The following PUM1 variants were observed in gnomAD, a reference collection of about 807,000 sequenced individuals.
PUM1 encodes the protein pumilio homolog 1.
PUM1 carries 13 observed loss-of-function variants against 131.8 expected under a neutral mutation model. The ratio of observed to expected loss-of-function variants is 0.10; its 90% CI spans 0.06 to 0.16. The LOEUF (loss-of-function observed/expected upper bound fraction) is 0.16. Ranked by LOEUF, PUM1 falls within the 10% of genes least tolerant of loss-of-function variation. The pLI is 1.00. For missense variants in PUM1, 961 were observed against 1,512.4 expected (o/e 0.64, Z 6.05); for synonymous variants, 509 against 556.5 (o/e 0.91, Z 1.20).
rs1045763124 is a variant in PUM1 at position 31,059,534 on chromosome 1, T to G, written c.33A>C (p.Ala11=). Residue 11 remains alanine, a synonymous_variant, in exon 2 of 22, where the codon GCA becomes GCC. Transcript: ENST00000426105. MSVACVLKRK[A]VLWQDSFSPH... is the part of the protein sequence containing the mutation. ...GGCTGAAAGAGTCCTGCCAAAGCAC[T>G]GCTTTTCTCTTCAAGACACATGCAA... is the stretch of plus-strand genomic sequence containing the variant. 3.1e-6 allele frequency: 5 copies of G among 1,613,990 alleles called. No homozygotes were observed. In the African/African-American group the frequency reaches 6.7e-5, roughly 22 times the overall value.
intron 9 of PUM1, among the ~76,000 whole-genome samples, chr1:30,976,843 AAAAG>A (rs1400100416): frequency 2.0e-5 from 3 of 152,218 alleles, no homozygotes; most frequent in African/African-American, 4.8e-5. Context: ...AAAAAAAAAA[AAAAG>A]AGTGATAGAG....
chr1:31,028,678 G>C, intron 3 of PUM1, 118 bp downstream of exon 3: 1 of 889,912 alleles, frequency 1.1e-6, no homozygotes, highest in East Asian at 2.4e-5. Context: ...CATGAGAATG[G>C]CAACAAGGAA....
At chr1:30,992,295 A>C in intron 7 of PUM1, 95 bp downstream of exon 7, 1 of 1,500,006 alleles carries the variant, frequency 6.7e-7, no homozygotes, top group Non-Finnish European at 9.0e-7. Context: ...GCCTGAAACA[A>C]TGCCACCACC....
In PUM1 at chr1:31,038,958, T is replaced by TTATATATATA. The variant is rs200492434; in HGVS notation, c.364-10104_364-10095dup. On this transcript the variant is annotated intron_variant, in intron 2 of 21. Transcript: ENST00000426105. ...TAGCCATTTAAAATGTTTTAAAATT[T>TTATATATATA]TATATATATATATATATATATATAT... is the stretch of plus-strand genomic sequence containing the variant. Among the ~76,000 whole-genome samples, 40 of 43,938 alleles carry TTATATATATA rather than the reference T, an allele frequency of 9.1e-4. 4 individuals are homozygous for TTATATATATA. Among genetic ancestry groups the TTATATATATA allele is most frequent in the African/African-American group, 4.5e-3 (26 of 5,776 alleles). 28.8% of individuals were successfully genotyped at this position (43,938 alleles called of 152,430 possible). A position where few individuals can be genotyped will look rare whatever the true frequency, so the allele number is the denominator to read the frequency against.
At chr1:31,037,347 T>C (rs1020504302) in intron 2 of PUM1, 1 of 152,236 alleles carries the variant, frequency 6.6e-6, no homozygotes, top group South Asian at 2.1e-4. Flanking sequence ...TTAAAATTAT[T>C]TTCCAAGACT....
chr1:31,000,856 C>T (rs1642183317), intron 5 of PUM1, among the ~76,000 whole-genome samples: 2 of 152,202 alleles, frequency 1.3e-5, no homozygotes, highest in South Asian at 4.1e-4. Context: ...ACAACAATGT[C>T]GAGCTCTACT....
At chr1:31,051,330 T>C (rs1644104996) in intron 2 of PUM1, among the ~76,000 whole-genome samples, 1 of 150,622 alleles carries the variant, frequency 6.6e-6, no homozygotes, top group African/African-American at 2.4e-5. Context: ...TGAGACGGCA[T>C]TTCGCTCTTG....
At position 30,953,932 on chromosome 1, in the gene PUM1, A is replaced by G. The variant is rs376729395; in HGVS notation, c.2373T>C (p.Ala791=). The G allele has an allele frequency of 6.2e-7, 1 of 1,614,108 alleles. No homozygotes were observed. The highest frequency in any genetic ancestry group is 8.5e-7 in the Non-Finnish European group (1 of 1,180,040). The stretch of plus-strand genomic sequence containing the variant: ...TGCTTGCACTGCGGTACTTGGCTTC[A>G]GCGCCTGGAGCAGCAGAGATGTATC... ...SGRYISAAPG[A]EAKYRSASSA... is the part of the protein sequence containing the mutation. The change falls in exon 15 of 22, where the codon GCT becomes GCC. Residue 791 remains alanine (A), a synonymous_variant. Transcript: ENST00000426105.
At chr1:30,943,275 T>A (rs889882053) in intron 18 of PUM1, among the ~76,000 whole-genome samples, 2 of 152,178 alleles carry the variant, frequency 1.3e-5, no homozygotes, top group Non-Finnish European at 1.5e-5. Context: ...TTTTTTTTTT[T>A]TTATTAGACA....
chr1:30,992,737 T>C, intron 6 of PUM1, 77 bp from the exon 7 acceptor site: 4 of 1,253,372 alleles, frequency 3.2e-6, no homozygotes, highest in Non-Finnish European at 4.5e-6. Flanking sequence ...TTAAGGACAA[T>C]GTCCTCAACA....
At position 30,945,821 on chromosome 1, in the gene PUM1, T is replaced by TTTTA. The variant is rs1346475387; in HGVS notation, c.2857-339_2857-338insTAAA. Among the ~76,000 whole-genome samples the TTTTA allele has an allele frequency of 5.2e-3, 795 of 152,354 alleles. 5 individuals are homozygous for TTTTA. Among genetic ancestry groups the TTTTA allele is most frequent in the African/African-American group, 0.018 (734 of 41,582 alleles). ...TTTTTTTTGAGACGGAGTCTTGCTC[T>TTTTA]GTTACCCAGGCTAGAGTACAGTGGT... is the stretch of plus-strand genomic sequence containing the variant. On this transcript the variant is annotated intron_variant, in intron 17 of 21. Coordinates refer to ENST00000426105, the MANE Select transcript of PUM1 (RefSeq NM_001020658.2).
At chr1:31,020,804 CA>C (rs1339816214) in intron 3 of PUM1, among the ~76,000 whole-genome samples, 2 of 152,270 alleles carry the variant, frequency 1.3e-5, no homozygotes, top group East Asian at 3.9e-4. Flanking sequence ...GAATACAACA[CA>C]GAAAATAAAC....
intron 2 of PUM1, among the ~76,000 whole-genome samples, chr1:31,056,388 C>G (rs1284347255): frequency 6.6e-6 from 1 of 152,036 alleles, no homozygotes; most frequent in Non-Finnish European, 1.5e-5. Flanking sequence ...TCAAGCGATT[C>G]TCCTGCCTCA....
intron 3 of PUM1, among the ~76,000 whole-genome samples, chr1:31,018,744 T>C (rs1417384124): frequency 1.3e-5 from 2 of 152,158 alleles, no homozygotes; most frequent in Non-Finnish European, 2.9e-5. Context: ...ATGAATTCAC[T>C]AAGTATACAT....
intron 5 of PUM1, among the ~76,000 whole-genome samples, chr1:31,001,237 T>C (rs540210806): frequency 1.1e-4 from 17 of 152,188 alleles, no homozygotes; most frequent in African/African-American, 4.1e-4. Context: ...TGGTGGCACA[T>C]GCACTCCTGT....
rs761971336 is a variant in PUM1, at chr1:30,953,777, T to C, written c.2528A>G (p.Asn843Ser). Residue 843 changes from asparagine to serine, a missense_variant, in exon 15 of 22, where the codon AAT (asparagine) becomes AGT (serine). Physicochemically the swap from Asn to Ser is conservative, Grantham distance 46. Coordinates refer to ENST00000426105, the MANE Select transcript of PUM1 (RefSeq NM_001020658.2). ...TCCAGCAATCTCCCGCAGTTGTAAA[T>C]TGGGGTACCGGTTGTTTCGAAAATC... ...LEDFRNNRYP[N>S]LQLREIAGHI... 1.4e-5 allele frequency: 23 copies of C among 1,614,094 alleles called. No homozygotes were observed. Among genetic ancestry groups the C allele is most frequent in the African/African-American group, 8.0e-5 (6 of 74,928 alleles).
intron 7 of PUM1, among the ~76,000 whole-genome samples, chr1:30,986,260 T>C (rs1641555820): frequency 6.6e-6 from 1 of 152,282 alleles, no homozygotes; most frequent in African/African-American, 2.4e-5. Context: ...TGGCCTCTTA[T>C]GTGTAAAAAT....
intron 2 of PUM1, among the ~76,000 whole-genome samples, chr1:31,048,698 T>C (rs1410015039): frequency 6.6e-6 from 1 of 151,792 alleles, no homozygotes; most frequent in Non-Finnish European, 1.5e-5. Flanking sequence ...ACAGTCTCAA[T>C]CTCCTGACCT....
At chr1:30,938,896 T>TAGAC (rs1185668751) in intron 20 of PUM1, among the ~76,000 whole-genome samples, 5 of 110,184 alleles carry the variant, frequency 4.5e-5, no homozygotes, top group Admixed American at 1.0e-4. Context: ...GATAGATAGA[T>TAGAC]AGATAGATAG....
Sources: allele counts gnomAD v4.1 joint callset (sites outside exome capture counted in the v4.1 genomes callset), GRCh38; gene constraint gnomAD v4.1.1; transcripts MANE v1.5; gene names NCBI Gene and HGNC (gene_info 2026-07-23, HGNC 2026-07-21).